MAP4K2: variants seen among roughly 807,000 people sequenced by gnomAD.
MAP4K2 encodes the protein B lymphocyte serine/threonine protein kinase.
MAP4K2 carries 85 observed loss-of-function variants against 125.3 expected under a neutral mutation model. The observed-to-expected ratio is 0.68, with a 90% confidence interval of 0.57 to 0.81. MAP4K2 has a LOEUF of 0.81. MAP4K2 is among the 40% of genes least tolerant of loss of function. The pLI is 0.00. For missense variants in MAP4K2, 923 were observed against 1,056.4 expected (o/e 0.87, Z 1.75); for synonymous variants, 479 against 445.1 (o/e 1.08, Z -0.96).
intron 2 of MAP4K2, 103 bp from the exon 3 acceptor site, chr11:64,802,756 G>T: frequency 6.8e-7 from 1 of 1,466,216 alleles, no homozygotes; most frequent in Non-Finnish European, 9.4e-7. Flanking sequence ...GGGCCAGGCA[G>T]GTGCAGGTGA....
chr11:64,791,376 G>A (rs1940465967), intron 27 of MAP4K2, among the ~76,000 whole-genome samples: 1 of 152,056 alleles, frequency 6.6e-6, no homozygotes, highest in South Asian at 2.1e-4. Flanking sequence ...ACCAGTTTTT[G>A]TTTTTGTTTT....
rs1051251319 is a variant in MAP4K2 at position 64,792,094 on chromosome 11, G to A, written c.1915-8C>T. 6 of 1,581,774 alleles carry A rather than the reference G, an allele frequency of 3.8e-6. No individual in the cohort carries two copies. In the African/African-American group the frequency reaches 8.1e-5, roughly 21 times the overall value. On this transcript the variant is annotated splice_region_variant and splice_polypyrimidine_tract_variant and intron_variant, in intron 26 of 31. Transcript: ENST00000294066. ...CAGAGGGCTGGAGAAGTTCTAGGGGGCAGCAGGGATGCTCAGGTCTCCATT... is the reference window on the plus strand; with the variant it reads ...CAGAGGGCTGGAGAAGTTCTAGGGGACAGCAGGGATGCTCAGGTCTCCATT...
At chr11:64,789,829 C>A (rs779146993) in intron 30 of MAP4K2, 44 bp from the exon 31 acceptor site, 1 of 1,614,034 alleles carries the variant, frequency 6.2e-7, no homozygotes, top group Admixed American at 1.7e-5. Context: ...CCAGTAGGTC[C>A]TTTCCAAAGA....
chr11:64,801,462 G>A, intron 7 of MAP4K2, 117 bp downstream of exon 7: 7 of 1,209,794 alleles, frequency 5.8e-6, no homozygotes, highest in South Asian at 2.7e-5. Flanking sequence ...TTCTAAGCAG[G>A]GAAACTGAGA....
chr11:64,802,422 G>A lies in MAP4K2; in HGVS notation c.307C>T (p.His103Tyr). 5 of 1,494,342 alleles carry A rather than the reference G, an allele frequency of 3.3e-6. No homozygotes were observed. Among genetic ancestry groups the A allele is most frequent in the East Asian group, 2.4e-5 (1 of 41,682 alleles). 92.6% of individuals were successfully genotyped at this position (1,494,342 alleles called of 1,614,324 possible). A position where few individuals can be genotyped will look rare whatever the true frequency, so the allele number is the denominator to read the frequency against. Residue 103 changes from histidine to tyrosine, a missense_variant, in exon 4 of 32, where the codon CAT (histidine) becomes TAT (tyrosine). By Grantham distance (83) the His-to-Tyr change is moderately conservative (BLOSUM62 2). This residue lies in a region of MAP4K2 where 833 missense variants were observed against 911.4 expected (regional missense o/e 0.91). Coordinates refer to ENST00000294066, the MANE Select transcript of MAP4K2 (RefSeq NM_004579.5). ...CGGGSLQEIYHATGPLEERQI... is the reference protein window; with the variant it reads ...CGGGSLQEIYYATGPLEERQI... Reference sequence around the variant, plus strand: ...GGGCCTGGAGCCCTGGCCTCACCATGGTAAATCTCCTGCAGGGAGCCCCCT... The same window carrying A: ...GGGCCTGGAGCCCTGGCCTCACCATAGTAAATCTCCTGCAGGGAGCCCCCT...
chr11:64,802,571 G>C lies in MAP4K2; in HGVS notation c.237C>G (p.Ser79Arg). The change falls in exon 3 of 32, where the codon AGC (serine) becomes AGG (arginine). Residue 79 changes from serine to arginine, a missense_variant. Physicochemically the swap from Ser to Arg is moderately radical, Grantham distance 110. Coordinates refer to ENST00000294066, the MANE Select transcript of MAP4K2 (RefSeq NM_004579.5). ...GGATAAGGCAGCCTCACCTGAGGTA[G>C]CTGCCAATGTAGGCCACCACATTGG... is the stretch of plus-strand genomic sequence containing the variant. ...RHPNVVAYIG[S>R]YLRNDRLWIC... 1 of 1,608,544 alleles carries C rather than the reference G, an allele frequency of 6.2e-7. No homozygotes were observed. The highest frequency in any genetic ancestry group is 8.5e-7 in the Non-Finnish European group (1 of 1,177,620).
chr11:64,790,367 C>A (rs1385970963), intron 28 of MAP4K2, 27 bp downstream of exon 28: 1 of 1,613,866 alleles, frequency 6.2e-7, no homozygotes, highest in East Asian at 2.2e-5. Flanking sequence ...AGTCCCCTGC[C>A]CTAAGCCCTG....
Position 64,796,795 on chromosome 11 carries a change from C to G in MAP4K2, c.1492+14G>C. ...GATTCCTTGGGCTCCCGCTTCCTCC[C>G]TGCCCCCACCTACCCCGAGTAACAG... On this transcript the variant is annotated intron_variant, in intron 21 of 31. Transcript: ENST00000294066. 6.2e-7 allele frequency: 1 copy of G among 1,613,738 alleles called. No individual in the cohort carries two copies. The highest frequency in any genetic ancestry group is 1.3e-5 in the African/African-American group (1 of 75,052).
chr11:64,794,956 G>T (rs1296825258), intron 24 of MAP4K2, among the ~76,000 whole-genome samples: 1 of 151,788 alleles, frequency 6.6e-6, no homozygotes. Flanking sequence ...GTACGATCGC[G>T]ATCACAGTTC....
At position 64,801,728 on chromosome 11, in the gene MAP4K2, C is replaced by T. The variant is rs983945714; in HGVS notation, c.396G>A (p.Lys132=). 6.2e-7 allele frequency: 1 copy of T among 1,613,824 alleles called. No individual in the cohort carries two copies. Residue 132 remains lysine (K), a synonymous_variant, in exon 6 of 32, where the codon AAG becomes AAA. Transcript: ENST00000294066. The part of the protein sequence containing the change: ...KGLHHLHSQG[K]IHRDIKGANL... ...TGCCTACCTTGATGTCTCTGTGGAT[C>T]TTCCCCTGAGAATGCAGGTGGTGGA...
At chr11:64,800,260 A>G (rs766112125) in intron 11 of MAP4K2, 44 bp from the exon 12 acceptor site, 5 of 1,612,126 alleles carry the variant, frequency 3.1e-6, no homozygotes, top group African/African-American at 1.3e-5. Context: ...CCCCTGATCC[A>G]GGGCCCTGCT....
intron 2 of MAP4K2, 102 bp downstream of exon 2, chr11:64,802,783 A>G (rs1357317526): frequency 1.1e-5 from 16 of 1,472,168 alleles, no homozygotes; most frequent in East Asian, 4.9e-5. Flanking sequence ...CTCCCGGGGC[A>G]CGCCTCTCAG....
At position 64,798,844 on chromosome 11, in the gene MAP4K2, GA is replaced by G; in HGVS notation, c.1054-8del. ...GTGTCCACTCTTCCTCCCACTGGGG[GA>G]AACCAAGGTAGAGACCGGGGAAGAA... On this transcript the variant is annotated splice_polypyrimidine_tract_variant and splice_region_variant and intron_variant, in intron 14 of 31. Coordinates refer to ENST00000294066, the MANE Select transcript of MAP4K2 (RefSeq NM_004579.5). 1 of 1,598,198 alleles carries G rather than the reference GA, an allele frequency of 6.3e-7. No homozygotes were observed.
At chr11:64,802,296 T>A (rs1941247522) in intron 4 of MAP4K2, 123 bp downstream of exon 4, 4 of 1,171,676 alleles carry the variant, frequency 3.4e-6, no homozygotes, top group Non-Finnish European at 4.9e-6. Context: ...TCTCTCAAGG[T>A]CACACAGCCA....
intron 24 of MAP4K2, among the ~76,000 whole-genome samples, chr11:64,794,249 C>T (rs533746270): frequency 1.2e-4 from 18 of 152,388 alleles, no homozygotes; most frequent in African/African-American, 4.1e-4. Context: ...TTCTTCCTGA[C>T]ACCCAGGCCA....
At chr11:64,789,708 A>C in intron 31 of MAP4K2, 22 bp downstream of exon 31, 2 of 1,613,910 alleles carry the variant, frequency 1.2e-6, no homozygotes, top group Non-Finnish European at 1.7e-6. Context: ...TCTGAAGGGG[A>C]GGCTAGGGTA....
chr11:64,796,791 C>T lies in MAP4K2; in HGVS notation c.1492+18G>A. 2 of 1,613,712 alleles carry T rather than the reference C, an allele frequency of 1.2e-6. No homozygotes were observed. The highest frequency in any genetic ancestry group is 1.1e-5 in the South Asian group (1 of 91,088). The stretch of plus-strand genomic sequence containing the variant: ...GAGGGATTCCTTGGGCTCCCGCTTC[C>T]TCCCTGCCCCCACCTACCCCGAGTA... On this transcript the variant is annotated intron_variant, in intron 21 of 31. Transcript: ENST00000294066.
chr11:64,796,591 G>GC (rs1433397905), intron 22 of MAP4K2, 38 bp from the exon 23 acceptor site: 1 of 1,613,764 alleles, frequency 6.2e-7, no homozygotes, highest in African/African-American at 1.3e-5. Context: ...AGCACCCCAG[G>GC]CCCCCACAAG....
intron 15 of MAP4K2, 144 bp from the exon 16 acceptor site, chr11:64,797,808 C>A: frequency 2.6e-6 from 2 of 783,700 alleles, no homozygotes; most frequent in Non-Finnish European, 3.8e-6. Flanking sequence ...CAAGTTCACG[C>A]CATTCTCCTG....
Sources: allele counts gnomAD v4.1 joint callset (sites outside exome capture counted in the v4.1 genomes callset), GRCh38; gene constraint gnomAD v4.1.1; regional missense constraint gnomAD v4.1.1; transcripts MANE v1.5; gene names NCBI Gene and HGNC (gene_info 2026-07-23, HGNC 2026-07-21).